TSHZ2: variants seen among roughly 807,000 people sequenced by gnomAD.
TSHZ2 encodes teashirt homolog 2.
In TSHZ2, 21 loss-of-function variants were observed where a neutral mutation model predicts 74.4. The observed-to-expected ratio is 0.28, with a 90% confidence interval of 0.20 to 0.41. The LOEUF (loss-of-function observed/expected upper bound fraction) is 0.41, where lower values mean the gene tolerates loss of function less well. Ranked by LOEUF, TSHZ2 falls within the 10% of genes least tolerant of loss-of-function variation. The probability of loss-of-function intolerance (pLI) is 1.00; values close to 1 mark genes in which losing one functional copy is unlikely to be tolerated. For synonymous variants in TSHZ2, 540 were observed against 515.3 expected, an observed-to-expected ratio of 1.05 and a Z score of -0.65; for missense variants, 1,244 against 1,293.5, an observed-to-expected ratio of 0.96 and a Z score of 0.59.
intron 1 of TSHZ2, among the ~76,000 whole-genome samples, chr20:53,110,261 C>G (rs949668774): frequency 6.6e-6 from 1 of 152,016 alleles, no homozygotes; most frequent in Admixed American, 6.6e-5. Flanking sequence ...GTTATGGCTC[C>G]GCAAAACAAG....
chr20:53,123,741 C>T (rs893075423), intron 1 of TSHZ2, among the ~76,000 whole-genome samples: 1 of 152,142 alleles, frequency 6.6e-6, no homozygotes, highest in Non-Finnish European at 1.5e-5. Flanking sequence ...AAAACAAGCA[C>T]TACCCCATTT....
chr20:53,437,416 T>C (rs758407437), intron 2 of TSHZ2, among the ~76,000 whole-genome samples: 2 of 152,054 alleles, frequency 1.3e-5, no homozygotes, highest in African/African-American at 4.8e-5. Context: ...GAGGTTGCAG[T>C]GAGCCAAGAT....
intron 2 of TSHZ2, among the ~76,000 whole-genome samples, chr20:53,301,708 T>A (rs934844634): frequency 6.6e-6 from 1 of 152,234 alleles, no homozygotes; most frequent in Non-Finnish European, 1.5e-5. Flanking sequence ...TTATTGTTAC[T>A]TGGTTGCTTG....
intron 1 of TSHZ2, among the ~76,000 whole-genome samples, chr20:53,157,406 GT>G (rs369371699): frequency 0.013 from 1,695 of 134,770 alleles, 104 homozygotes; most frequent in Admixed American, 0.1. Context: ...CATTGAGTTG[GT>G]TTTTTTTTTT....
chr20:52,990,403 A>G (rs1478466581), intron 1 of TSHZ2, among the ~76,000 whole-genome samples: 1 of 150,836 alleles, frequency 6.6e-6, no homozygotes, highest in Non-Finnish European at 1.5e-5. Context: ...AATAAAATAT[A>G]TCAATAATCC....
intron 1 of TSHZ2, among the ~76,000 whole-genome samples, chr20:53,188,691 A>C (rs925289698): frequency 6.6e-6 from 1 of 152,228 alleles, no homozygotes; most frequent in Non-Finnish European, 1.5e-5. Flanking sequence ...TCCATCTTAC[A>C]CACACATATA....
Position 53,169,987 on chromosome 20 carries a change from T to C in TSHZ2, c.41-83512T>C, listed in dbSNP as rs76898995. 3.1e-3 allele frequency among the ~76,000 whole-genome samples: 468 copies of C among 152,328 alleles called. 3 individuals are homozygous for C. Among genetic ancestry groups the C allele is most frequent in the African/African-American group, 0.011 (442 of 41,564 alleles). On this transcript the variant is annotated intron_variant, in intron 1 of 2. Coordinates refer to ENST00000371497, the MANE Select transcript of TSHZ2 (RefSeq NM_173485.6). ...ATATATATGCCCATTTTTTCTGATCTGCATACCACCATTGAAGACAAGAAT... is the reference window on the plus strand; with the variant it reads ...ATATATATGCCCATTTTTTCTGATCCGCATACCACCATTGAAGACAAGAAT...
chr20:53,274,516 C>A (rs1468347743), intron 2 of TSHZ2, among the ~76,000 whole-genome samples: 1 of 152,140 alleles, frequency 6.6e-6, no homozygotes, highest in African/African-American at 2.4e-5. Context: ...ATTTAGTGAC[C>A]TTTTTGGCAT....
intron 1 of TSHZ2, among the ~76,000 whole-genome samples, chr20:53,148,135 A>G (rs140621782): frequency 6.6e-6 from 1 of 152,342 alleles, no homozygotes; most frequent in African/African-American, 2.4e-5. Flanking sequence ...CCTACAGCTA[A>G]TATTTTCTAT....
chr20:53,031,504 A>G (rs1480095241), intron 1 of TSHZ2, among the ~76,000 whole-genome samples: 1 of 152,138 alleles, frequency 6.6e-6, no homozygotes, highest in Non-Finnish European at 1.5e-5. Context: ...AGTGAACAGG[A>G]ATTGTCTGGG....
At chr20:53,167,024 G>A (rs747212206) in intron 1 of TSHZ2, among the ~76,000 whole-genome samples, 16 of 152,204 alleles carry the variant, frequency 1.1e-4, no homozygotes, top group Non-Finnish European at 2.4e-4. Context: ...TGACCAGAAG[G>A]CTGAGTAGTC....
chr20:53,206,781 G>T (rs2048480277), intron 1 of TSHZ2, among the ~76,000 whole-genome samples: 1 of 152,296 alleles, frequency 6.6e-6, no homozygotes, highest in South Asian at 2.1e-4. Context: ...GCCCTGGAAA[G>T]ATTCATTTTC....
chr20:53,465,591 A>C (rs1985533500), intron 2 of TSHZ2, among the ~76,000 whole-genome samples: 1 of 152,092 alleles, frequency 6.6e-6, no homozygotes, highest in Non-Finnish European at 1.5e-5. Flanking sequence ...ATTACTATGA[A>C]GCAGCAGGGT....
At chr20:53,356,243 CTTA>C (rs1215633629) in intron 2 of TSHZ2, among the ~76,000 whole-genome samples, 1 of 152,116 alleles carries the variant, frequency 6.6e-6, no homozygotes, top group African/African-American at 2.4e-5. Context: ...GGTAGGTACC[CTTA>C]TTATTATGAG....
chr20:53,365,232 GCCTGTT>G (rs910038502), intron 2 of TSHZ2, among the ~76,000 whole-genome samples: 4 of 152,200 alleles, frequency 2.6e-5, no homozygotes, highest in Non-Finnish European at 5.9e-5. Context: ...AAAATGATTG[GCCTGTT>G]TTCTGGTGCT....
In TSHZ2 at chr20:53,256,332, C is replaced by T. The variant is rs1438721328; in HGVS notation, c.2874C>T (p.Arg958=). 4.3e-6 allele frequency: 7 copies of T among 1,613,904 alleles called. No individual in the cohort carries two copies. Among genetic ancestry groups the T allele is most frequent in the South Asian group, 1.1e-5 (1 of 91,062 alleles). Residue 958 remains arginine, a synonymous_variant, in exon 2 of 3, where the codon CGC becomes CGT. Coordinates refer to ENST00000371497, the MANE Select transcript of TSHZ2 (RefSeq NM_173485.6). The surrounding 1 kb of genome is among the most constrained non-coding windows in gnomAD (Gnocchi z 4.3). ...GTTTCCAAATGAAGGACATGACCCG[C>T]TTGTCAGTGGACCAGCAAAGCAAGG... The part of the protein sequence containing the change: ...HLGFQMKDMT[R]LSVDQQSKVE...
intron 1 of TSHZ2, among the ~76,000 whole-genome samples, chr20:53,196,074 T>C (rs1988857952): frequency 6.6e-6 from 1 of 152,170 alleles, no homozygotes; most frequent in South Asian, 2.1e-4. Context: ...GGGTCTCTGT[T>C]GTGAAGTCAG....
At chr20:53,410,812 A>G (rs1983030943) in intron 2 of TSHZ2, among the ~76,000 whole-genome samples, 1 of 151,316 alleles carries the variant, frequency 6.6e-6, no homozygotes. Flanking sequence ...AGTAGCTGGG[A>G]TTACAGGCAT....
At position 53,464,541 on chromosome 20, in the gene TSHZ2, C is replaced by A. The variant is rs545374395; in HGVS notation, c.*9-22603C>A. ...GCAGTGGTACAACCATGGCTCCCTG[C>A]AGCCTCTACCTCCCAGCTCAAGTGA... On this transcript the variant is annotated intron_variant, in intron 2 of 2. Coordinates refer to ENST00000371497, the MANE Select transcript of TSHZ2 (RefSeq NM_173485.6). Among the ~76,000 whole-genome samples, 10 of 152,272 alleles carry A rather than the reference C, an allele frequency of 6.6e-5. No homozygotes were observed. In the East Asian group the frequency reaches 1.3e-3, roughly 21 times the overall value.
Sources: gnomAD v4.1 joint callset for allele counts (sites outside exome capture counted in the v4.1 genomes callset) on GRCh38, gnomAD v4.1.1 for gene constraint, Gnocchi (gnomAD v3.1) non-coding constraint, MANE v1.5 for transcripts, NCBI Gene and HGNC (gene_info 2026-07-23, HGNC 2026-07-21) for gene names.